The following SMARCAL1 variants were observed in gnomAD, a reference collection of about 807,000 sequenced individuals.
SMARCAL1 encodes ATP-driven annealing helicase.
SMARCAL1 carries 58 observed loss-of-function variants against 94.5 expected under a neutral mutation model. The ratio of observed to expected loss-of-function variants is 0.61; its 90% CI spans 0.50 to 0.76. The LOEUF (loss-of-function observed/expected upper bound fraction) is 0.76. Among genes scored for constraint, SMARCAL1 ranks in the 30% least tolerant of loss-of-function variants. SMARCAL1 has a pLI of 0.00. For missense variants in SMARCAL1, 1,051 were observed against 1,177.9 expected, an observed-to-expected ratio of 0.89 and a Z score of 1.58; for synonymous variants, 422 against 455.1, an observed-to-expected ratio of 0.93 and a Z score of 0.93.
chr2:216,438,389 C>G (rs1194733497), intron 9 of SMARCAL1, 31 bp from the exon 10 acceptor site: 2 of 1,598,490 alleles, frequency 1.3e-6, no homozygotes, highest in Admixed American at 3.3e-5. Flanking sequence ...AGGATTGGAT[C>G]TTGTACACTT....
chr2:216,445,281 A>G (rs1054631938), intron 10 of SMARCAL1, among the ~76,000 whole-genome samples: 3 of 151,820 alleles, frequency 2.0e-5, no homozygotes, highest in African/African-American at 7.3e-5. Flanking sequence ...GAGCAGGCCA[A>G]ATCACCCCAT....
chr2:216,444,258 C>A (rs1694257987), intron 10 of SMARCAL1, among the ~76,000 whole-genome samples: 1 of 152,046 alleles, frequency 6.6e-6, no homozygotes, highest in Non-Finnish European at 1.5e-5. Context: ...ATTTAGAGTA[C>A]CATTAGGAAT....
rs1293996377 is a variant in SMARCAL1, at chr2:216,461,100, G to GTGTA, written c.2071-3493_2071-3490dup. ...TGTGTGTGTGTGTGTGTATGTGTGT[G>GTGTA]TGTATGTGTATAAAGACCTGGAAAG... On this transcript the variant is annotated intron_variant, in intron 12 of 17. Transcript: ENST00000357276. 9.1e-4 allele frequency among the ~76,000 whole-genome samples: 138 copies of GTGTA among 151,808 alleles called. 1 individual carries two copies. Among genetic ancestry groups the GTGTA allele is most frequent in the African/African-American group, 3.0e-3 (126 of 41,362 alleles).
chr2:216,464,761 C>T (rs1280907469), intron 13 of SMARCAL1, 94 bp downstream of exon 13: 28 of 905,408 alleles, frequency 3.1e-5, no homozygotes, highest in African/African-American at 2.2e-4. Context: ...GATTTTACTG[C>T]GTCTAAGAAA....
At chr2:216,423,708 T>G (rs1335361894) in intron 6 of SMARCAL1, 25 bp downstream of exon 6, 2 of 1,572,706 alleles carry the variant, frequency 1.3e-6, no homozygotes, top group Non-Finnish European at 1.8e-6. Flanking sequence ...TTACTTGTTT[T>G]ATATCATGCT....
rs372995559 is a variant in SMARCAL1 at position 216,447,083 on chromosome 2, G to A, written c.1776G>A (p.Thr592=). 1.2e-4 allele frequency: 187 copies of A among 1,613,854 alleles called. No individual in the cohort carries two copies. The highest frequency in any genetic ancestry group is 1.7e-4 in the African/African-American group (13 of 74,870). The change falls in exon 11 of 18, where the codon ACG becomes ACA. Residue 592 remains threonine (T), a synonymous_variant. Transcript: ENST00000357276. ...PAMSRPAELY[T]QIIAVKPTFF... Reference sequence around the variant, plus strand: ...TGTCCCGGCCCGCAGAGCTCTACACGCAGATCATCGCAGTCAAGCCAACTT... The same window carrying A: ...TGTCCCGGCCCGCAGAGCTCTACACACAGATCATCGCAGTCAAGCCAACTT...
chr2:216,434,435 C>A (rs555257193), intron 8 of SMARCAL1, among the ~76,000 whole-genome samples: 1 of 152,282 alleles, frequency 6.6e-6, no homozygotes, highest in Non-Finnish European at 1.5e-5. Flanking sequence ...CTACATCGTT[C>A]ATAAAATTCC....
intron 4 of SMARCAL1, 131 bp from the exon 5 acceptor site, chr2:216,420,168 C>A: frequency 1.4e-6 from 1 of 735,000 alleles, no homozygotes; most frequent in South Asian, 1.5e-5. Context: ...CCTTTTCTTG[C>A]CTTCCTGCCA....
chr2:216,449,511 G>T (rs572530552), intron 11 of SMARCAL1, among the ~76,000 whole-genome samples: 79 of 152,164 alleles, frequency 5.2e-4, no homozygotes, highest in Non-Finnish European at 9.4e-4. Flanking sequence ...AGAACTTCCA[G>T]TTGATTTCAG....
intron 12 of SMARCAL1, among the ~76,000 whole-genome samples, chr2:216,462,830 A>T (rs986028220): frequency 1.2e-4 from 6 of 50,774 alleles, no homozygotes; most frequent in African/African-American, 4.7e-4. Context: ...TACAAAAAAT[A>T]AAAAAAAAAA....
rs529051617 is a variant in SMARCAL1, at chr2:216,416,592, C to T, written c.862+285C>T. On this transcript the variant is annotated intron_variant, in intron 4 of 17. Coordinates refer to ENST00000357276, the MANE Select transcript of SMARCAL1 (RefSeq NM_014140.4). Reference sequence around the variant, plus strand: ...TTTATTCCTTATAATGACTTTTTTACAGATGGGGAAACTGAGGCCCAGGGA... The same window carrying T: ...TTTATTCCTTATAATGACTTTTTTATAGATGGGGAAACTGAGGCCCAGGGA... Among the ~76,000 whole-genome samples the T allele has an allele frequency of 3.3e-5, 5 of 152,306 alleles. No homozygotes were observed. In the East Asian group the frequency reaches 7.7e-4, roughly 23 times the overall value.
chr2:216,481,593 T>C (rs1024687240), intron 17 of SMARCAL1, among the ~76,000 whole-genome samples: 2 of 152,084 alleles, frequency 1.3e-5, no homozygotes, highest in Non-Finnish European at 2.9e-5. Context: ...AACCTCTGCC[T>C]TGTGGGTTCA....
chr2:216,442,748 A>G (rs183866337), intron 10 of SMARCAL1, among the ~76,000 whole-genome samples: 61 of 152,328 alleles, frequency 4.0e-4, no homozygotes, highest in Non-Finnish European at 7.2e-4. Flanking sequence ...ATTTATCATA[A>G]TATGTATTAT....
chr2:216,460,896 C>G (rs1207786099), intron 12 of SMARCAL1, among the ~76,000 whole-genome samples: 2 of 151,902 alleles, frequency 1.3e-5, no homozygotes, highest in East Asian at 3.9e-4. Flanking sequence ...GACAAATGAA[C>G]TGTATGTAAT....
rs961542809 is a variant in SMARCAL1, at chr2:216,438,571, G to A, written c.1710+86G>A. The A allele has an allele frequency of 5.1e-6, 6 of 1,165,774 alleles. No homozygotes were observed. The Admixed American group carries it at 9.5e-5, about 18-fold the overall frequency. The allele number at this position is 1,165,774 out of a possible 1,614,324, so 72.2% of individuals were successfully genotyped here. Reference sequence around the variant, plus strand: ...CTTGCATGTCGTCCTAGTCCAGCAGGGGTTGCAAGTATAGACCTGTGGGCC... The same window carrying A: ...CTTGCATGTCGTCCTAGTCCAGCAGAGGTTGCAAGTATAGACCTGTGGGCC... On this transcript the variant is annotated intron_variant, in intron 10 of 17. Transcript: ENST00000357276.
At chr2:216,413,439 G>A (rs1419853995) in intron 1 of SMARCAL1, among the ~76,000 whole-genome samples, 2 of 152,048 alleles carry the variant, frequency 1.3e-5, no homozygotes, top group Non-Finnish European at 2.9e-5. Flanking sequence ...GGTGCAATAT[G>A]GAATGTTTAC....
At chr2:216,425,175 G>A (rs1431098823) in intron 6 of SMARCAL1, among the ~76,000 whole-genome samples, 1 of 152,200 alleles carries the variant, frequency 6.6e-6, no homozygotes, top group African/African-American at 2.4e-5. Flanking sequence ...CCCACTGAGG[G>A]CGAGCTAGGC....
At chr2:216,440,925 TC>T (rs1694186034) in intron 10 of SMARCAL1, among the ~76,000 whole-genome samples, 1 of 152,104 alleles carries the variant, frequency 6.6e-6, no homozygotes, top group East Asian at 1.9e-4. Context: ...GGAGGACAAA[TC>T]ACTCTCTACT....
intron 6 of SMARCAL1, 101 bp downstream of exon 6, chr2:216,423,784 C>A: frequency 9.4e-7 from 1 of 1,067,636 alleles, no homozygotes. Context: ...CCTCCCTTTG[C>A]TGTGGTGGGA....
Sources: allele counts gnomAD v4.1 joint callset (sites outside exome capture counted in the v4.1 genomes callset), GRCh38; gene constraint gnomAD v4.1.1; transcripts MANE v1.5; gene names NCBI Gene and HGNC (gene_info 2026-07-23, HGNC 2026-07-21).